HDX: variants seen among roughly 807,000 people sequenced by gnomAD.
The protein encoded by HDX is highly divergent homeobox.
HDX carries 19 observed loss-of-function variants against 45.2 expected under a neutral mutation model. That is an observed-to-expected ratio of 0.42 (90% CI 0.29 to 0.62). The LOEUF (loss-of-function observed/expected upper bound fraction) is 0.62, where lower values mean the gene tolerates loss of function less well. Ranked by LOEUF, HDX falls within the 20% of genes least tolerant of loss-of-function variation. The pLI, the probability that HDX is intolerant of heterozygous loss-of-function variation, is 0.20. For missense variants in HDX, 532 were observed against 493.9 expected (o/e 1.08, Z -0.73); for synonymous variants, 188 against 172.8 (o/e 1.09, Z -0.69).
At chrX:84,375,059 A>G (rs1247904054) in intron 5 of HDX, among the ~76,000 whole-genome samples, 1 of 104,888 alleles carries the variant, frequency 9.5e-6, no homozygotes, top group Non-Finnish European at 2.0e-5. Context: ...AAAAAAACAA[A>G]CAACCCCATC....
chrX:84,341,760 C>T (rs1343941887), intron 7 of HDX, among the ~76,000 whole-genome samples: 2 of 106,150 alleles, frequency 1.9e-5, no homozygotes, highest in African/African-American at 3.5e-5. Flanking sequence ...CACTACGTTG[C>T]TGAGGCTGGA....
chrX:84,375,617 C>A (rs2147888506), intron 5 of HDX, among the ~76,000 whole-genome samples: 1 of 110,765 alleles, frequency 9.0e-6, no homozygotes, highest in South Asian at 3.9e-4. Flanking sequence ...AATTGGAAAT[C>A]ATCATTCTCA....
In HDX at chrX:84,340,504, G is replaced by A. The variant is rs368309641; in HGVS notation, c.1661-3624C>T. 2.1e-3 allele frequency among the ~76,000 whole-genome samples: 236 copies of A among 110,294 alleles called. 2 individuals carry two copies. Among genetic ancestry groups the A allele is most frequent in the African/African-American group, 7.4e-3 (224 of 30,447 alleles). Reference sequence around the variant, plus strand: ...GATTATTTTTTCTTTATATTTCTTAGATGTAATTAATGGAAATTTCAAAGT... The same window carrying A: ...GATTATTTTTTCTTTATATTTCTTAAATGTAATTAATGGAAATTTCAAAGT... On this transcript the variant is annotated intron_variant, in intron 7 of 10. Coordinates refer to ENST00000373177, the MANE Select transcript of HDX (RefSeq NM_001177479.2).
rs772666978 is a variant in HDX at position 84,361,635 on chromosome X, G to C, written c.1306-23C>G. 2.7e-6 allele frequency: 3 copies of C among 1,114,595 alleles called. No individual in the cohort carries two copies. The South Asian group carries it at 7.0e-5, about 26-fold the overall frequency. The allele number at this position is 1,114,595 out of a possible 1,213,427, so 91.9% of individuals were successfully genotyped here. On this transcript the variant is annotated intron_variant, in intron 5 of 10. Transcript: ENST00000373177. ...TAGCTGAAAAACACATTTTTAAATT[G>C]TTTTGAATTTTAAAGTTTAGAATAA...
rs764897022 is a variant in HDX, at chrX:84,338,265, T to C, written c.1661-1385A>G. Among the ~76,000 whole-genome samples the C allele has an allele frequency of 3.6e-5, 4 of 110,753 alleles. No homozygotes were observed. In the East Asian group the frequency reaches 1.1e-3, roughly 32 times the overall value. On this transcript the variant is annotated intron_variant, in intron 7 of 10. Coordinates refer to ENST00000373177, the MANE Select transcript of HDX (RefSeq NM_001177479.2). ...TATTCAGGAAAATCTTACCAGAATTTTGATGCAAAGTCCACTATAAACACA... is the reference window on the plus strand; with the variant it reads ...TATTCAGGAAAATCTTACCAGAATTCTGATGCAAAGTCCACTATAAACACA...
chrX:84,405,428 T>C (rs2038795115), intron 5 of HDX, among the ~76,000 whole-genome samples: 1 of 109,960 alleles, frequency 9.1e-6, no homozygotes, highest in South Asian at 3.8e-4. Context: ...AAGAAATGCT[T>C]CTCAAAAGTA....
chrX:84,372,235 T>C (rs2037913575), intron 5 of HDX, among the ~76,000 whole-genome samples: 1 of 111,645 alleles, frequency 9.0e-6, no homozygotes, highest in Admixed American at 9.6e-5. Context: ...TCTCACAATC[T>C]TAAGCCAACA....
At chrX:84,382,317 C>A (rs1406750088) in intron 5 of HDX, among the ~76,000 whole-genome samples, 2 of 111,166 alleles carry the variant, frequency 1.8e-5, no homozygotes, top group African/African-American at 6.5e-5. Context: ...AATATAAGTA[C>A]CATATGATCC....
intron 6 of HDX, among the ~76,000 whole-genome samples, chrX:84,353,536 A>C (rs151165288): frequency 1.1e-3 from 118 of 111,656 alleles, no homozygotes; most frequent in African/African-American, 3.4e-3. Flanking sequence ...AGCCTCCAGA[A>C]CAATTAAGAA....
At chrX:84,331,452 G>T (rs1049088338) in intron 9 of HDX, among the ~76,000 whole-genome samples, 1 of 111,378 alleles carries the variant, frequency 9.0e-6, no homozygotes, top group Non-Finnish European at 1.9e-5. Flanking sequence ...TATTTCCAAA[G>T]ATAAATTAAG....
intron 1 of HDX, among the ~76,000 whole-genome samples, chrX:84,501,261 A>G (rs1404743313): frequency 9.0e-6 from 1 of 111,712 alleles, no homozygotes; most frequent in Non-Finnish European, 1.9e-5. Flanking sequence ...CAGCCTTCCC[A>G]ATGAAGGGGT....
chrX:84,321,898 T>C lies in HDX; in HGVS notation c.2064A>G (p.Glu688=). The part of the protein sequence containing the change: ...VSSLSEKNVS[E]SL ...TTCCCTCCAACTGAAATCACAAACT[T>C]TCTGAGACATTTTTCTCTGACAAAG... is the stretch of plus-strand genomic sequence containing the variant. The change falls in exon 11 of 11, where the codon GAA becomes GAG. Residue 688 remains glutamate, a synonymous_variant. Coordinates refer to ENST00000373177, the MANE Select transcript of HDX (RefSeq NM_001177479.2). 8.4e-7 allele frequency: 1 copy of C among 1,188,148 alleles called. No individual in the cohort carries two copies. Among genetic ancestry groups the C allele is most frequent in the Non-Finnish European group, 1.1e-6 (1 of 881,663 alleles).
chrX:84,417,967 G>C (rs1459233041), intron 5 of HDX, among the ~76,000 whole-genome samples: 1 of 112,083 alleles, frequency 8.9e-6, no homozygotes, highest in Non-Finnish European at 1.9e-5. Flanking sequence ...CCTTTGCATT[G>C]TGGAGTGCTG....
intron 5 of HDX, among the ~76,000 whole-genome samples, chrX:84,385,204 T>C (rs1400633597): frequency 4.1e-5 from 2 of 49,329 alleles, no homozygotes; most frequent in Admixed American, 2.5e-4. Context: ...TTCTTTTTTT[T>C]TTTTTTTTTT....
chrX:84,410,298 A>G (rs928613474), intron 5 of HDX, among the ~76,000 whole-genome samples: 3 of 110,863 alleles, frequency 2.7e-5, no homozygotes, highest in African/African-American at 9.9e-5. Flanking sequence ...TTGGTTACAG[A>G]TGGCTCCTAT....
chrX:84,328,424 A>C (rs932215222), intron 9 of HDX, among the ~76,000 whole-genome samples: 5 of 111,477 alleles, frequency 4.5e-5, no homozygotes, highest in African/African-American at 1.6e-4. Context: ...AATATATTGT[A>C]AAGAAAATAA....
At chrX:84,323,620 T>C (rs1003202785) in intron 10 of HDX, among the ~76,000 whole-genome samples, 1 of 111,408 alleles carries the variant, frequency 9.0e-6, no homozygotes, top group Admixed American at 9.6e-5. Flanking sequence ...GTAAAATGAG[T>C]GCAGTAAAAA....
intron 6 of HDX, among the ~76,000 whole-genome samples, chrX:84,358,228 A>T (rs742726): frequency 0.086 from 9,668 of 111,804 alleles, 405 homozygotes; most frequent in East Asian, 0.26. Context: ...GAAGGAAATA[A>T]CTAAAAGTGG....
chrX:84,429,982 T>C (rs745882120), intron 5 of HDX, among the ~76,000 whole-genome samples: 19 of 110,930 alleles, frequency 1.7e-4, no homozygotes, highest in African/African-American at 5.5e-4. Flanking sequence ...TCAGTGTTAT[T>C]ATCATATCCA....
Sources: allele counts gnomAD v4.1 joint callset (sites outside exome capture counted in the v4.1 genomes callset), GRCh38; gene constraint gnomAD v4.1.1; transcripts MANE v1.5; gene names NCBI Gene and HGNC (gene_info 2026-07-23, HGNC 2026-07-21).